Variants in GOLGB1 observed in about 807,000 individuals in gnomAD.
GOLGB1 encodes the protein golgin B1, also known as golgin subfamily B member 1.
GOLGB1 carries 174 observed loss-of-function variants against 336.9 expected under a neutral mutation model. That is an observed-to-expected ratio of 0.52 (90% CI 0.46 to 0.59). The LOEUF (loss-of-function observed/expected upper bound fraction) is 0.59. Among genes scored for constraint, GOLGB1 ranks in the 20% least tolerant of loss-of-function variants. GOLGB1 has a pLI of 0.00. For synonymous variants in GOLGB1, 1,208 were observed against 1,289.2 expected, an observed-to-expected ratio of 0.94 and a Z score of 1.35; for missense variants, 3,331 against 3,645.3, an observed-to-expected ratio of 0.91 and a Z score of 2.22.
chr3:121,703,720 C>G (rs1401557691), intron 10 of GOLGB1, among the ~76,000 whole-genome samples: 1 of 151,966 alleles, frequency 6.6e-6, no homozygotes, highest in Non-Finnish European at 1.5e-5. Context: ...GAGAACAAAA[C>G]ACGACATCCA....
In GOLGB1 at chr3:121,688,266, G is replaced by A. The variant is rs528569248; in HGVS notation, c.8694+2404C>T. Among the ~76,000 whole-genome samples the A allele has an allele frequency of 1.1e-4, 17 of 152,218 alleles. No individual in the cohort carries two copies. In the East Asian group the frequency reaches 2.7e-3, roughly 24 times the overall value. ...AGCTGGACTGTACTGCTGCCATCTC[G>A]GCTCACTGCAACCTCCCTCCCTGAT... On this transcript the variant is annotated intron_variant, in intron 14 of 21. Coordinates refer to ENST00000614479, the MANE Select transcript of GOLGB1 (RefSeq NM_001366282.2).
intron 1 of GOLGB1, among the ~76,000 whole-genome samples, chr3:121,747,417 A>G (rs1315365947): frequency 6.8e-6 from 1 of 146,480 alleles, no homozygotes; most frequent in Non-Finnish European, 1.5e-5. Flanking sequence ...ATATATATGT[A>G]TATATATACA....
chr3:121,694,434 T>A lies in GOLGB1; in HGVS notation c.6089A>T (p.Gln2030Leu). 6.2e-7 allele frequency: 1 copy of A among 1,613,566 alleles called. No individual in the cohort carries two copies. The highest frequency in any genetic ancestry group is 8.5e-7 in the Non-Finnish European group (1 of 1,179,794). The part of the protein sequence containing the change: ...KEKQQEVKQL[Q>L]KDCIRYQEKI... Reference sequence around the variant, plus strand: ...CTCTTGATACCTGATGCAGTCCTTCTGTAGCTGCTTTACTTCTTGTTGTTT... The same window carrying A: ...CTCTTGATACCTGATGCAGTCCTTCAGTAGCTGCTTTACTTCTTGTTGTTT... The change falls in exon 13 of 22, where the codon CAG becomes CTG. Residue 2030 changes from glutamine to leucine, a missense_variant. By Grantham distance (113) the Gln-to-Leu change is moderately radical. Transcript: ENST00000614479.
At chr3:121,686,676 C>G (rs1941771078) in intron 14 of GOLGB1, among the ~76,000 whole-genome samples, 1 of 152,086 alleles carries the variant, frequency 6.6e-6, no homozygotes, top group Non-Finnish European at 1.5e-5. Flanking sequence ...CACACACACA[C>G]ACACACAATA....
chr3:121,693,475 C>A (rs1241161138), intron 13 of GOLGB1, among the ~76,000 whole-genome samples: 1 of 152,042 alleles, frequency 6.6e-6, no homozygotes, highest in Non-Finnish European at 1.5e-5. Context: ...GTGACAAGAG[C>A]AAGACTCCAT....
rs1373769159 is a variant in GOLGB1 at position 121,691,812 on chromosome 3, G to C, written c.7552C>G (p.Arg2518Gly). 3 of 1,613,584 alleles carry C rather than the reference G, an allele frequency of 1.9e-6. No individual in the cohort carries two copies. The South Asian group carries it at 3.3e-5, about 18-fold the overall frequency. Residue 2518 changes from arginine (R) to glycine (G), a missense_variant, in exon 14 of 22, where the codon CGA becomes GGA. Physicochemically the swap from Arg to Gly is moderately radical, Grantham distance 125 (BLOSUM62 -2). Transcript: ENST00000614479. ...TCATCCATATGACTTCTCAAGCCTCGTATTTCTTCTTTAAGCTTATTATTC... is the reference window on the plus strand; with the variant it reads ...TCATCCATATGACTTCTCAAGCCTCCTATTTCTTCTTTAAGCTTATTATTC... ...AENNKLKEEIRGLRSHMDDLN... is the reference protein window; with the variant it reads ...AENNKLKEEIGGLRSHMDDLN...
At chr3:121,716,180 T>C (rs1944758151) in intron 9 of GOLGB1, among the ~76,000 whole-genome samples, 1 of 152,216 alleles carries the variant, frequency 6.6e-6, no homozygotes, top group African/African-American at 2.4e-5. Context: ...TTTTAATTTA[T>C]AAAGTTCTAA....
Position 121,668,085 on chromosome 3 carries a change from T to C in GOLGB1, c.9395A>G (p.Glu3132Gly). Residue 3132 changes from glutamate (E) to glycine (G), a missense_variant, in exon 19 of 22, where the codon GAG (glutamate) becomes GGG (glycine). By Grantham distance (98) the Glu-to-Gly change is moderately conservative. Transcript: ENST00000614479. ...CCTTTGCTGCGGTTCCCTTAGTTCC[T>C]CAGGGTCACTCTTTCTGTGAACTCC... is the stretch of plus-strand genomic sequence containing the variant. ...KNGVHRKSDPEELREPQQSFS... is the reference protein window; with the variant it reads ...KNGVHRKSDPGELREPQQSFS... The C allele has an allele frequency of 1.9e-6, 3 of 1,605,596 alleles. No individual in the cohort carries two copies. Among genetic ancestry groups the C allele is most frequent in the Non-Finnish European group, 2.6e-6 (3 of 1,174,574 alleles).
chr3:121,697,069 T>C lies in GOLGB1; in HGVS notation c.3454A>G (p.Ile1152Val), dbSNP rs768562712. 5.0e-6 allele frequency: 8 copies of C among 1,613,954 alleles called. No individual in the cohort carries two copies. The highest frequency in any genetic ancestry group is 2.7e-5 in the African/African-American group (2 of 74,930). Reference sequence around the variant, plus strand: ...CTACTACCTGTACAAGGTGGACTTATCACCACTGTTTCCTTTACAAGTGCT... The same window carrying C: ...CTACTACCTGTACAAGGTGGACTTACCACCACTGTTTCCTTTACAAGTGCT... ...SVALVKETVV[I>V]SPPCTGSSEH... The change falls in exon 13 of 22, where the codon ATA becomes GTA. Residue 1152 changes from isoleucine to valine, a missense_variant. Physicochemically the swap from Ile to Val is conservative, Grantham distance 29. Coordinates refer to ENST00000614479, the MANE Select transcript of GOLGB1 (RefSeq NM_001366282.2).
At chr3:121,703,254 C>T (rs1943552967) in intron 10 of GOLGB1, among the ~76,000 whole-genome samples, 1 of 152,120 alleles carries the variant, frequency 6.6e-6, no homozygotes, top group Non-Finnish European at 1.5e-5. Flanking sequence ...AGGGTCTTTA[C>T]AGCATATTTG....
At chr3:121,733,287 C>CAAAAA (rs35457720) in intron 1 of GOLGB1, among the ~76,000 whole-genome samples, 3 of 64,626 alleles carry the variant, frequency 4.6e-5, no homozygotes, top group East Asian at 5.3e-4. Flanking sequence ...TGCTCCGTCT[C>CAAAAA]AAAAAAAAAA....
chr3:121,665,542 A>G (rs1009328985), intron 20 of GOLGB1, among the ~76,000 whole-genome samples: 2 of 152,254 alleles, frequency 1.3e-5, no homozygotes, highest in Non-Finnish European at 2.9e-5. Context: ...GTGGGGTTTT[A>G]AAAATTAAAT....
intron 6 of GOLGB1, among the ~76,000 whole-genome samples, chr3:121,720,229 A>C (rs1945091860): frequency 6.6e-6 from 1 of 152,196 alleles, no homozygotes; most frequent in Non-Finnish European, 1.5e-5. Flanking sequence ...ATTCTCTACA[A>C]CTGGAAATAC....
chr3:121,689,915 G>A (rs912052966), intron 14 of GOLGB1, among the ~76,000 whole-genome samples: 2 of 152,190 alleles, frequency 1.3e-5, no homozygotes, highest in African/African-American at 4.8e-5. Context: ...TTGAGCCTAG[G>A]AGCAGTAGAA....
chr3:121,738,204 C>T (rs138504931), intron 1 of GOLGB1, among the ~76,000 whole-genome samples: 45 of 152,242 alleles, frequency 3.0e-4, no homozygotes, highest in Admixed American at 9.1e-4. Flanking sequence ...CCTAACTTAT[C>T]AAACAGAATC....
chr3:121,671,039 G>C (rs1460038416), intron 17 of GOLGB1, among the ~76,000 whole-genome samples: 2 of 152,124 alleles, frequency 1.3e-5, no homozygotes, highest in Non-Finnish European at 2.9e-5. Context: ...GGTTTTACTG[G>C]AACACAACCA....
At position 121,697,837 on chromosome 3, in the gene GOLGB1, T is replaced by C; in HGVS notation, c.2686A>G (p.Thr896Ala). Reference protein sequence around the residue: ...LLLEKKRDVETLQQTIEEKDQ... With the variant: ...LLLEKKRDVEALQQTIEEKDQ... ...TTCTCCTCGATGGTTTGTTGGAGGG[T>C]TTCCACATCTCTCTTTTTCTCTAGT... The change falls in exon 13 of 22, where the codon ACC becomes GCC. Residue 896 changes from threonine to alanine, a missense_variant. By Grantham distance (58) the Thr-to-Ala change is moderately conservative. Transcript: ENST00000614479. 6.2e-7 allele frequency: 1 copy of C among 1,614,074 alleles called. No individual in the cohort carries two copies. The highest frequency in any genetic ancestry group is 1.7e-5 in the Admixed American group (1 of 60,026).
At chr3:121,674,550 GA>G (rs1415515736) in intron 17 of GOLGB1, among the ~76,000 whole-genome samples, 1 of 152,178 alleles carries the variant, frequency 6.6e-6, no homozygotes, top group Non-Finnish European at 1.5e-5. Context: ...TTACCAATAT[GA>G]AGGGCCAACT....
Position 121,726,974 on chromosome 3 carries a change from T to G in GOLGB1, c.470A>C (p.Glu157Ala). ...GGCTTGCAAAGTGCTGATTAGTTCCTCCTTCTCCTGGAGCTTATGTTTTAT... is the reference window on the plus strand; with the variant it reads ...GGCTTGCAAAGTGCTGATTAGTTCCGCCTTCTCCTGGAGCTTATGTTTTAT... ...EKIKHKLQEK[E>A]ELISTLQAQL... is the part of the protein sequence containing the mutation. Residue 157 changes from glutamate (E) to alanine (A), a missense_variant, in exon 5 of 22, where the codon GAG (glutamate) becomes GCG (alanine). Coordinates refer to ENST00000614479, the MANE Select transcript of GOLGB1 (RefSeq NM_001366282.2). 3 of 1,605,014 alleles carry G rather than the reference T, an allele frequency of 1.9e-6. No individual in the cohort carries two copies. Among genetic ancestry groups the G allele is most frequent in the Non-Finnish European group, 8.5e-7 (1 of 1,173,636 alleles).
Sources: gnomAD v4.1 joint callset for allele counts (sites outside exome capture counted in the v4.1 genomes callset) on GRCh38, gnomAD v4.1.1 for gene constraint, MANE v1.5 for transcripts, NCBI Gene and HGNC (gene_info 2026-07-23, HGNC 2026-07-21) for gene names.